SLC25A21: variants seen among roughly 807,000 people sequenced by gnomAD.
SLC25A21 encodes mitochondrial 2-oxodicarboxylate carrier.
Under a neutral mutation model 43.8 loss-of-function variants are expected in SLC25A21, and 47 were observed. The observed-to-expected ratio is 1.07, with a 90% confidence interval of 0.85 to 1.37. The LOEUF (loss-of-function observed/expected upper bound fraction) is 1.37, where lower values mean the gene tolerates loss of function less well. Ranked by LOEUF, SLC25A21 falls within the 40% of genes most tolerant of loss-of-function variation. SLC25A21 has a pLI of 0.00. For synonymous variants in SLC25A21, 131 were observed against 121.3 expected, an observed-to-expected ratio of 1.08 and a Z score of -0.52; for missense variants, 352 against 350.2, an observed-to-expected ratio of 1.00 and a Z score of -0.04.
intron 1 of SLC25A21, among the ~76,000 whole-genome samples, chr14:36,998,517 G>A (rs1443342517): frequency 6.6e-6 from 1 of 152,074 alleles, no homozygotes; most frequent in Non-Finnish European, 1.5e-5. Flanking sequence ...CACTAAACTG[G>A]ACAACCACAC....
At chr14:37,127,044 C>A (rs1485715618) in intron 1 of SLC25A21, among the ~76,000 whole-genome samples, 1 of 152,162 alleles carries the variant, frequency 6.6e-6, no homozygotes, top group South Asian at 2.1e-4. Context: ...TGCCCATCCC[C>A]AGCCTGGTTC....
chr14:36,907,756 T>C lies in SLC25A21; in HGVS notation c.71-32752A>G, dbSNP rs903281814. Among the ~76,000 whole-genome samples, 6 of 152,148 alleles carry C rather than the reference T, an allele frequency of 3.9e-5. No homozygotes were observed. In the East Asian group the frequency reaches 5.8e-4, roughly 15 times the overall value. ...CAAAAGAGATATGGCCACAGAATAA[T>C]GAAACTGATCACTGTGTGAAGGGTA... On this transcript the variant is annotated intron_variant, in intron 1 of 9. Transcript: ENST00000331299.
At chr14:36,771,477 T>G (rs1224274278) in intron 3 of SLC25A21, among the ~76,000 whole-genome samples, 1 of 152,118 alleles carries the variant, frequency 6.6e-6, no homozygotes, top group East Asian at 1.9e-4. Flanking sequence ...TCCAATAGCT[T>G]GAGTGGCAAT....
chr14:37,058,222 T>C (rs1336054661), intron 1 of SLC25A21, among the ~76,000 whole-genome samples: 1 of 152,252 alleles, frequency 6.6e-6, no homozygotes, highest in Non-Finnish European at 1.5e-5. Context: ...AAATATTTAT[T>C]AAATGCCAGG....
chr14:36,838,019 C>A (rs1427432709), intron 2 of SLC25A21, among the ~76,000 whole-genome samples: 1 of 152,182 alleles, frequency 6.6e-6, no homozygotes, highest in Non-Finnish European at 1.5e-5. Context: ...GCTGCACCTT[C>A]CCTGTGGAAG....
intron 1 of SLC25A21, among the ~76,000 whole-genome samples, chr14:36,982,349 C>A (rs1465230329): frequency 6.6e-6 from 1 of 152,072 alleles, no homozygotes; most frequent in Non-Finnish European, 1.5e-5. Context: ...ATGAGTAAAC[C>A]TGCAGTGTAC....
intron 2 of SLC25A21, among the ~76,000 whole-genome samples, chr14:36,855,760 T>A (rs1292417674): frequency 6.6e-6 from 1 of 152,234 alleles, no homozygotes; most frequent in East Asian, 1.9e-4. Flanking sequence ...CTCTGGGTTA[T>A]GATATCATAT....
chr14:36,771,810 A>T (rs998166453), intron 3 of SLC25A21, among the ~76,000 whole-genome samples: 6 of 152,166 alleles, frequency 3.9e-5, no homozygotes, highest in Non-Finnish European at 8.8e-5. Flanking sequence ...TTTAACATAA[A>T]AATATTAATA....
chr14:36,810,296 C>G lies in SLC25A21; in HGVS notation c.203+3622G>C, dbSNP rs17177278. ...ATATTATTTGATATCAAAGCAGAAG[C>G]AGAAACATCAAATTCTTCCCAAAAC... On this transcript the variant is annotated intron_variant, in intron 3 of 9. Coordinates refer to ENST00000331299, the MANE Select transcript of SLC25A21 (RefSeq NM_030631.4). 3.4e-3 allele frequency among the ~76,000 whole-genome samples: 520 copies of G among 152,224 alleles called. 2 individuals carry two copies. The highest frequency in any genetic ancestry group is 5.4e-3 in the Non-Finnish European group (369 of 68,002).
chr14:36,921,057 C>A (rs977487405), intron 1 of SLC25A21, among the ~76,000 whole-genome samples: 2 of 152,014 alleles, frequency 1.3e-5, no homozygotes, highest in Non-Finnish European at 2.9e-5. Context: ...GATCTCTTTG[C>A]TTTTAACCAT....
At chr14:37,071,322 A>G (rs1181524149) in intron 1 of SLC25A21, among the ~76,000 whole-genome samples, 1 of 152,220 alleles carries the variant, frequency 6.6e-6, no homozygotes, top group Non-Finnish European at 1.5e-5. Flanking sequence ...ACTATTTTTT[A>G]GAGACTGGAG....
intron 3 of SLC25A21, among the ~76,000 whole-genome samples, chr14:36,800,271 A>G (rs1594599313): frequency 6.6e-6 from 1 of 152,186 alleles, no homozygotes; most frequent in South Asian, 2.1e-4. Context: ...TTTGTCCACC[A>G]GTGTTCATAG....
At position 36,836,969 on chromosome 14, in the gene SLC25A21, G is replaced by T. The variant is rs115154283; in HGVS notation, c.120-22968C>A. ...GGGACTCATCTTAGAAAAGAGACCG[G>T]ATACACCCTCTTTAAAGGCAAGACT... is the stretch of plus-strand genomic sequence containing the variant. On this transcript the variant is annotated intron_variant, in intron 2 of 9. Coordinates refer to ENST00000331299, the MANE Select transcript of SLC25A21 (RefSeq NM_030631.4). 7.1e-3 allele frequency among the ~76,000 whole-genome samples: 1,079 copies of T among 152,162 alleles called. 12 individuals carry two copies. The highest frequency in any genetic ancestry group is 0.024 in the African/African-American group (1,013 of 41,530).
chr14:36,976,834 T>G (rs1959884826), intron 1 of SLC25A21, among the ~76,000 whole-genome samples: 1 of 152,250 alleles, frequency 6.6e-6, no homozygotes, highest in Non-Finnish European at 1.5e-5. Flanking sequence ...TTCATCTTCT[T>G]GCTTTGAGAG....
intron 2 of SLC25A21, among the ~76,000 whole-genome samples, chr14:36,818,501 A>T (rs960096613): frequency 6.6e-6 from 1 of 152,204 alleles, no homozygotes; most frequent in Non-Finnish European, 1.5e-5. Context: ...GCCCCAGTAA[A>T]GCCTCCCTTC....
At chr14:37,021,321 C>A (rs1391695172) in intron 1 of SLC25A21, among the ~76,000 whole-genome samples, 1 of 151,972 alleles carries the variant, frequency 6.6e-6, no homozygotes, top group African/African-American at 2.4e-5. Flanking sequence ...CAAATGACAA[C>A]CTCTTACACC....
At chr14:37,137,241 C>G (rs1963498106) in intron 1 of SLC25A21, among the ~76,000 whole-genome samples, 1 of 152,124 alleles carries the variant, frequency 6.6e-6, no homozygotes, top group South Asian at 2.1e-4. Context: ...TCGTGATCCG[C>G]CCGCCTCGGC....
intron 3 of SLC25A21, among the ~76,000 whole-genome samples, chr14:36,755,252 AT>A (rs1434785648): frequency 6.6e-6 from 1 of 152,228 alleles, no homozygotes; most frequent in African/African-American, 2.4e-5. Context: ...GAGGTTCCCT[AT>A]TCACTGAAGA....
At chr14:36,993,208 G>A (rs1243554618) in intron 1 of SLC25A21, among the ~76,000 whole-genome samples, 1 of 152,132 alleles carries the variant, frequency 6.6e-6, no homozygotes, top group Admixed American at 6.5e-5. Flanking sequence ...CCAGTGTCGA[G>A]TGTGTCCCTG....
Sources: allele counts gnomAD v4.1 joint callset (sites outside exome capture counted in the v4.1 genomes callset), GRCh38; gene constraint gnomAD v4.1.1; transcripts MANE v1.5; gene names NCBI Gene and HGNC (gene_info 2026-07-23, HGNC 2026-07-21).